The following PLXNA4 variants were observed in gnomAD, a reference collection of about 807,000 sequenced individuals.
PLXNA4 encodes plexin-A4.
Under a neutral mutation model 191.8 loss-of-function variants are expected in PLXNA4, and 44 were observed. That is an observed-to-expected ratio of 0.23 (90% CI 0.18 to 0.29). The LOEUF (loss-of-function observed/expected upper bound fraction) is 0.29, where lower values mean the gene tolerates loss of function less well. PLXNA4 is among the 10% of genes least tolerant of loss of function. The pLI is 1.00. For synonymous variants in PLXNA4, 1,082 were observed against 1,009.5 expected (o/e 1.07, Z -1.36); for missense variants, 1,800 against 2,488.8 (o/e 0.72, Z 5.89).
chr7:132,646,480 C>T (rs896708334), intron 1 of PLXNA4, among the ~76,000 whole-genome samples: 5 of 152,098 alleles, frequency 3.3e-5, no homozygotes, highest in Non-Finnish European at 7.4e-5. Flanking sequence ...TAGATACGGT[C>T]ATGACAGCAG....
chr7:132,298,220 G>C lies in PLXNA4; in HGVS notation c.1374C>G (p.Ile458Met). Reference protein sequence around the residue: ...VGTKSGKLKKIRVDGPRGNAL... With the variant: ...VGTKSGKLKKMRVDGPRGNAL... ...CGTTGCCCCTGGGTCCATCCACCCG[G>C]ATCTGTGGAGAAGAAGAGGAGAGCC... The change falls in exon 4 of 32, where the codon ATC becomes ATG. Residue 458 changes from isoleucine (I) to methionine (M), a missense_variant and splice_region_variant. By Grantham distance (10) the Ile-to-Met change is conservative. Coordinates refer to ENST00000321063, the MANE Select transcript of PLXNA4 (RefSeq NM_020911.2). 3 of 1,611,364 alleles carry C rather than the reference G, an allele frequency of 1.9e-6. No homozygotes were observed. The highest frequency in any genetic ancestry group is 2.5e-6 in the Non-Finnish European group (3 of 1,178,754).
intron 3 of PLXNA4, among the ~76,000 whole-genome samples, chr7:132,311,160 G>GTC (rs1801717548): frequency 8.1e-6 from 1 of 123,524 alleles, no homozygotes; most frequent in African/African-American, 3.3e-5. Flanking sequence ...GGATAATTGT[G>GTC]TGTGTGTGTG....
At chr7:132,139,324 G>A (rs531704592) in intron 30 of PLXNA4, among the ~76,000 whole-genome samples, 4 of 152,292 alleles carry the variant, frequency 2.6e-5, no homozygotes, top group African/African-American at 7.2e-5. Flanking sequence ...ATAAGGGAAG[G>A]CAATTTTCAA....
chr7:132,347,178 T>C (rs1352024962), intron 3 of PLXNA4, among the ~76,000 whole-genome samples: 3 of 152,114 alleles, frequency 2.0e-5, no homozygotes, highest in African/African-American at 7.2e-5. Flanking sequence ...TTAAATAGCA[T>C]CAAAGCACTC....
chr7:132,335,700 G>T (rs1275237286), intron 3 of PLXNA4, among the ~76,000 whole-genome samples: 1 of 152,208 alleles, frequency 6.6e-6, no homozygotes, highest in Admixed American at 6.5e-5. Context: ...TGAGTTCATG[G>T]CATCTCCATG....
chr7:132,393,604 A>G (rs6951712), intron 3 of PLXNA4, among the ~76,000 whole-genome samples: 12,969 of 152,292 alleles, frequency 0.085, 1,032 homozygotes, highest in African/African-American at 0.17. Context: ...ACACTGTGCT[A>G]AGCACTGAGA....
chr7:132,598,559 G>T (rs924516779), intron 2 of PLXNA4, among the ~76,000 whole-genome samples: 3 of 150,342 alleles, frequency 2.0e-5, no homozygotes, highest in Non-Finnish European at 4.4e-5. Context: ...GCATATACTT[G>T]TTAGTTGTTA....
At chr7:132,596,734 G>A (rs1428380722) in intron 2 of PLXNA4, among the ~76,000 whole-genome samples, 2 of 151,968 alleles carry the variant, frequency 1.3e-5, no homozygotes, top group African/African-American at 4.8e-5. Context: ...AGGAGGTCAG[G>A]GAGAAATACC....
chr7:132,256,878 A>C (rs1393310609), intron 4 of PLXNA4, among the ~76,000 whole-genome samples: 1 of 152,158 alleles, frequency 6.6e-6, no homozygotes, highest in South Asian at 2.1e-4. Flanking sequence ...CTATGGGGGC[A>C]CAGGGACAGG....
intron 3 of PLXNA4, among the ~76,000 whole-genome samples, chr7:132,377,444 C>G (rs886845097): frequency 1.4e-5 from 2 of 145,424 alleles, no homozygotes; most frequent in African/African-American, 2.5e-5. Context: ...AAAAAGAAAA[C>G]AAAACAAAAC....
chr7:132,263,213 T>G (rs1799717698), intron 4 of PLXNA4, among the ~76,000 whole-genome samples: 1 of 152,118 alleles, frequency 6.6e-6, no homozygotes, highest in Admixed American at 6.5e-5. Flanking sequence ...AATGGGAACT[T>G]CTGTGGAAAG....
At chr7:132,568,402 G>T (rs184296527) in intron 1 of PLXNA4, among the ~76,000 whole-genome samples, 2 of 152,104 alleles carry the variant, frequency 1.3e-5, no homozygotes, top group Admixed American at 1.3e-4. Flanking sequence ...TAGTGTAGTC[G>T]ACTAGTGTTG....
chr7:132,266,775 G>A (rs1301799764), intron 4 of PLXNA4, among the ~76,000 whole-genome samples: 1 of 152,170 alleles, frequency 6.6e-6, no homozygotes, highest in East Asian at 1.9e-4. Flanking sequence ...CCATCCAAGG[G>A]TGCCTTAGAG....
At chr7:132,187,284 T>A (rs1383779478) in intron 15 of PLXNA4, among the ~76,000 whole-genome samples, 187 bp downstream of exon 15, 1 of 152,208 alleles carries the variant, frequency 6.6e-6, no homozygotes, top group Non-Finnish European at 1.5e-5. Flanking sequence ...CTGTATTGAT[T>A]AAATTCTTTC....
At chr7:132,331,310 AAC>A (rs1227083690) in intron 3 of PLXNA4, among the ~76,000 whole-genome samples, 1 of 152,192 alleles carries the variant, frequency 6.6e-6, no homozygotes, top group Non-Finnish European at 1.5e-5. Context: ...GAGGGGCTGA[AAC>A]ACCGCTGCAC....
intron 3 of PLXNA4, among the ~76,000 whole-genome samples, chr7:132,461,362 G>A (rs566419967): frequency 2.0e-5 from 3 of 152,250 alleles, no homozygotes; most frequent in African/African-American, 4.8e-5. Context: ...AGTGACAGAC[G>A]CACTTGAAAA....
At chr7:132,231,396 AT>A (rs564379377) in intron 5 of PLXNA4, among the ~76,000 whole-genome samples, 1 of 152,022 alleles carries the variant, frequency 6.6e-6, no homozygotes, top group South Asian at 2.1e-4. Flanking sequence ...GATTTATTTT[AT>A]TTTTTATCTT....
At chr7:132,244,456 C>T (rs549658560) in intron 4 of PLXNA4, among the ~76,000 whole-genome samples, 13 of 152,308 alleles carry the variant, frequency 8.5e-5, no homozygotes, top group South Asian at 4.1e-4. Flanking sequence ...TCTTTCCTTA[C>T]GGAATATTTC....
At chr7:132,283,001 C>CA (rs1379737555) in intron 4 of PLXNA4, among the ~76,000 whole-genome samples, 2 of 152,042 alleles carry the variant, frequency 1.3e-5, no homozygotes, top group African/African-American at 4.8e-5. Flanking sequence ...CTCAGCCCCC[C>CA]CCAAGTAACT....
Sources: allele counts gnomAD v4.1 joint callset (sites outside exome capture counted in the v4.1 genomes callset), GRCh38; gene constraint gnomAD v4.1.1; transcripts MANE v1.5; gene names NCBI Gene and HGNC (gene_info 2026-07-23, HGNC 2026-07-21).